Variants in NR1H4 observed in about 807,000 individuals in gnomAD.
NR1H4 encodes the protein nuclear receptor subfamily 1 group H member 4.
Under a neutral mutation model 58.5 loss-of-function variants are expected in NR1H4, and 23 were observed. The ratio of observed to expected loss-of-function variants is 0.39; its 90% CI spans 0.28 to 0.56. NR1H4 has a LOEUF of 0.56. Ranked by LOEUF, NR1H4 falls within the 20% of genes least tolerant of loss-of-function variation. The pLI is 0.58. For synonymous variants in NR1H4, 214 were observed against 198.0 expected, an observed-to-expected ratio of 1.08 and a Z score of -0.68; for missense variants, 487 against 576.9, an observed-to-expected ratio of 0.84 and a Z score of 1.60.
intron 3 of NR1H4, among the ~76,000 whole-genome samples, chr12:100,493,960 A>G (rs1425476268): frequency 1.3e-5 from 2 of 152,208 alleles, no homozygotes. Flanking sequence ...CACTTTATGC[A>G]TTTATGAAAA....
Position 100,510,980 on chromosome 12 carries a change from G to A in NR1H4, c.282G>A (p.Glu94=). The change falls in exon 4 of 11, where the codon GAG becomes GAA. Residue 94 remains glutamate, a synonymous_variant. Coordinates refer to ENST00000392986, the MANE Select transcript of NR1H4 (RefSeq NM_001206979.2). ...GIYELRRMPA[E]TLYQGETEVA... ...ATGAACTCAGGCGTATGCCAGCTGA[G>A]ACTCTCTACCAGGGAGAAACTGAGG... 1 of 1,614,252 alleles carries A rather than the reference G, an allele frequency of 6.2e-7. No individual in the cohort carries two copies. The highest frequency in any genetic ancestry group is 8.5e-7 in the Non-Finnish European group (1 of 1,180,052).
intron 3 of NR1H4, among the ~76,000 whole-genome samples, chr12:100,494,285 C>T (rs1332128733): frequency 6.6e-6 from 1 of 152,154 alleles, no homozygotes; most frequent in Non-Finnish European, 1.5e-5. Flanking sequence ...TAGTCATTAG[C>T]ACTTTAGTGT....
At chr12:100,521,444 C>T (rs1457268941) in intron 4 of NR1H4, among the ~76,000 whole-genome samples, 2 of 152,184 alleles carry the variant, frequency 1.3e-5, no homozygotes, top group Admixed American at 6.5e-5. Context: ...TTGATTCAAA[C>T]CTCAAACCTC....
At chr12:100,541,765 T>G (rs985448014) in intron 9 of NR1H4, among the ~76,000 whole-genome samples, 1 of 151,812 alleles carries the variant, frequency 6.6e-6, no homozygotes, top group Non-Finnish European at 1.5e-5. Context: ...CCCAGCTAAT[T>G]TTTGTATTTT....
chr12:100,534,824 T>G, intron 5 of NR1H4, 66 bp from the exon 6 acceptor site: 1 of 1,595,812 alleles, frequency 6.3e-7, no homozygotes, highest in Non-Finnish European at 8.6e-7. Context: ...ATATCAGTGG[T>G]TTTATGACCA....
chr12:100,516,371 ATTCT>A (rs1392419297), intron 4 of NR1H4, among the ~76,000 whole-genome samples: 1 of 151,958 alleles, frequency 6.6e-6, no homozygotes, highest in African/African-American at 2.4e-5. Flanking sequence ...TGACATGCTA[ATTCT>A]TTTTTTTTTT....
chr12:100,514,006 A>T (rs1954199984), intron 4 of NR1H4, among the ~76,000 whole-genome samples: 1 of 152,232 alleles, frequency 6.6e-6, no homozygotes, highest in African/African-American at 2.4e-5. Context: ...TAGTAGCTCT[A>T]GTCAAAAAGT....
At chr12:100,519,298 A>G (rs1367287731) in intron 4 of NR1H4, among the ~76,000 whole-genome samples, 3 of 152,046 alleles carry the variant, frequency 2.0e-5, no homozygotes, top group Admixed American at 6.6e-5. Flanking sequence ...CTGGCGGTTT[A>G]TCTAAGTACC....
chr12:100,488,834 A>T (rs12300892), intron 1 of NR1H4, among the ~76,000 whole-genome samples: 4,881 of 152,370 alleles, frequency 0.032, 259 homozygotes, highest in African/African-American at 0.11. Flanking sequence ...AAATTATATT[A>T]CTTGCAACTA....
chr12:100,532,216 C>G (rs558923124), intron 4 of NR1H4, among the ~76,000 whole-genome samples: 2 of 152,188 alleles, frequency 1.3e-5, no homozygotes, highest in East Asian at 3.8e-4. Context: ...AACAAATTCA[C>G]ATTTTTCCTA....
chr12:100,516,362 G>T (rs571595294), intron 4 of NR1H4, among the ~76,000 whole-genome samples: 1 of 152,034 alleles, frequency 6.6e-6, no homozygotes. Context: ...CAGTGCTGAT[G>T]ACATGCTAAT....
chr12:100,544,169 G>C, intron 9 of NR1H4, among the ~76,000 whole-genome samples: 1 of 149,800 alleles, frequency 6.7e-6, no homozygotes, highest in East Asian at 2.0e-4. Context: ...GGAGAATGGC[G>C]TGAACCCAGG....
intron 1 of NR1H4, among the ~76,000 whole-genome samples, chr12:100,475,396 A>G (rs1566421906): frequency 6.6e-6 from 1 of 152,160 alleles, no homozygotes; most frequent in Admixed American, 6.5e-5. Context: ...CTGATAAAGT[A>G]CTGGCCAGGG....
intron 9 of NR1H4, among the ~76,000 whole-genome samples, chr12:100,541,788 G>C (rs1182619828): frequency 6.6e-6 from 1 of 151,468 alleles, no homozygotes; most frequent in Non-Finnish European, 1.5e-5. Context: ...GTAGAGACAG[G>C]GTTTCACCAT....
intron 4 of NR1H4, among the ~76,000 whole-genome samples, chr12:100,524,119 CAAG>C (rs1158246823): frequency 1.3e-5 from 2 of 151,762 alleles, no homozygotes; most frequent in African/African-American, 2.4e-5. Flanking sequence ...TAAATTTAAA[CAAG>C]AAAAAATGTT....
At chr12:100,562,975 A>G (rs1381877430) in intron 10 of NR1H4, among the ~76,000 whole-genome samples, 1 of 152,204 alleles carries the variant, frequency 6.6e-6, no homozygotes, top group Non-Finnish European at 1.5e-5. Context: ...TATACTCAAC[A>G]GAAAGGATGC....
chr12:100,495,343 G>A (rs1444748033), intron 3 of NR1H4, among the ~76,000 whole-genome samples: 1 of 152,088 alleles, frequency 6.6e-6, no homozygotes, highest in Non-Finnish European at 1.5e-5. Flanking sequence ...TGACCATTAG[G>A]ACTCCTTTTC....
At chr12:100,487,282 G>A (rs978280622) in intron 1 of NR1H4, among the ~76,000 whole-genome samples, 3 of 152,256 alleles carry the variant, frequency 2.0e-5, no homozygotes, top group African/African-American at 7.2e-5. Context: ...ATGCTTTGCT[G>A]TATTGCCTCA....
chr12:100,536,025 T>C (rs1170712152), intron 6 of NR1H4, among the ~76,000 whole-genome samples: 1 of 152,212 alleles, frequency 6.6e-6, no homozygotes, highest in Non-Finnish European at 1.5e-5. Context: ...AATAAAACTT[T>C]ATAAAATCCA....
Sources: gnomAD v4.1 joint callset for allele counts (sites outside exome capture counted in the v4.1 genomes callset) on GRCh38, gnomAD v4.1.1 for gene constraint, MANE v1.5 for transcripts, NCBI Gene and HGNC (gene_info 2026-07-23, HGNC 2026-07-21) for gene names.